Variants in PSMD14 observed in about 807,000 individuals in gnomAD.
PSMD14 encodes ubiquitin C-terminal hydrolase PSMD14.
In PSMD14, 7 loss-of-function variants were observed where a neutral mutation model predicts 41.2. The ratio of observed to expected loss-of-function variants is 0.17; its 90% CI spans 0.10 to 0.32. The LOEUF is 0.32. Among genes scored for constraint, PSMD14 ranks in the 10% least tolerant of loss-of-function variants. PSMD14 has a pLI of 1.00. For synonymous variants in PSMD14, 114 were observed against 122.3 expected (o/e 0.93, Z 0.45); for missense variants, 139 against 375.6 (o/e 0.37, Z 5.21).
intron 9 of PSMD14, 90 bp from the exon 10 acceptor site, chr2:161,394,988 G>GTT (rs112832377): frequency 1.5e-3 from 1,256 of 842,928 alleles, no homozygotes; most frequent in South Asian, 2.5e-3. Context: ...AAGTCGAAAT[G>GTT]TTTTTTTTTT....
chr2:161,349,782 G>C (rs1683094261), intron 3 of PSMD14, among the ~76,000 whole-genome samples: 1 of 152,196 alleles, frequency 6.6e-6, no homozygotes, highest in South Asian at 2.1e-4. Context: ...GACGAGCAGG[G>C]TGGGGTTGGA....
chr2:161,336,421 G>A lies in PSMD14; in HGVS notation c.48+17548G>A, dbSNP rs542744535. On this transcript the variant is annotated intron_variant, in intron 3 of 11. Transcript: ENST00000409682. The stretch of plus-strand genomic sequence containing the variant: ...ACGAGCAGCTGTAGGTTCTAAAACC[G>A]GATGAATTATGGAAGCATATTATGA... Among the ~76,000 whole-genome samples the A allele has an allele frequency of 1.7e-4, 26 of 152,146 alleles. No homozygotes were observed. The East Asian group carries it at 2.9e-3, about 17-fold the overall frequency.
chr2:161,411,258 G>T, intron 11 of PSMD14, 44 bp from the exon 12 acceptor site: 1 of 1,359,538 alleles, frequency 7.4e-7, no homozygotes, highest in Non-Finnish European at 1.0e-6. Context: ...TTATCTACCA[G>T]TAATATGGTT....
chr2:161,341,209 C>A (rs894836778), intron 3 of PSMD14: 3 of 967,624 alleles, frequency 3.1e-6, no homozygotes, highest in Admixed American at 6.3e-5. Context: ...TCCGGGGGCG[C>A]GCGGGCAGGC....
intron 3 of PSMD14, among the ~76,000 whole-genome samples, chr2:161,327,770 C>T (rs547477218): frequency 1.3e-5 from 2 of 151,712 alleles, no homozygotes; most frequent in African/African-American, 4.8e-5. Context: ...AAGATGACCT[C>T]ATTTAACAAA....
intron 7 of PSMD14, 124 bp downstream of exon 7, chr2:161,371,446 TAAAAAAC>T: frequency 1.0e-6 from 1 of 968,594 alleles, no homozygotes; most frequent in African/African-American, 1.6e-5. Flanking sequence ...TCTGTTTACT[TAAAAAAC>T]AAAAAAACTG....
chr2:161,351,339 G>A (rs1559044738), intron 3 of PSMD14, among the ~76,000 whole-genome samples: 2 of 152,076 alleles, frequency 1.3e-5, no homozygotes, highest in Non-Finnish European at 2.9e-5. Flanking sequence ...GGCCCCTTTG[G>A]CCCTTTTATG....
At chr2:161,325,578 A>T (rs1482848494) in intron 3 of PSMD14, among the ~76,000 whole-genome samples, 1 of 152,248 alleles carries the variant, frequency 6.6e-6, no homozygotes, top group African/African-American at 2.4e-5. Flanking sequence ...ATATCACCAC[A>T]TGCCAATTCT....
At chr2:161,389,142 A>C (rs1311757630) in intron 8 of PSMD14, among the ~76,000 whole-genome samples, 1 of 152,176 alleles carries the variant, frequency 6.6e-6, no homozygotes, top group Non-Finnish European at 1.5e-5. Context: ...ATATTTCATT[A>C]GTACAGTTAG....
chr2:161,369,212 G>T (rs568358196), intron 5 of PSMD14, among the ~76,000 whole-genome samples: 8 of 151,870 alleles, frequency 5.3e-5, no homozygotes, highest in Admixed American at 2.6e-4. Flanking sequence ...ATGCTTGTTT[G>T]ACAATATAAA....
At chr2:161,397,601 C>T (rs543625944) in intron 10 of PSMD14, among the ~76,000 whole-genome samples, 6 of 152,198 alleles carry the variant, frequency 3.9e-5, no homozygotes, top group African/African-American at 7.2e-5. Flanking sequence ...TACACCAAAA[C>T]GTAGTATTTC....
chr2:161,311,821 G>A (rs1351272219), intron 1 of PSMD14, among the ~76,000 whole-genome samples: 1 of 151,676 alleles, frequency 6.6e-6, no homozygotes, highest in Non-Finnish European at 1.5e-5. Flanking sequence ...CGCCATGTTG[G>A]CCAGGCTGGT....
intron 11 of PSMD14, among the ~76,000 whole-genome samples, chr2:161,410,407 T>C (rs1260223614): frequency 6.6e-6 from 1 of 152,048 alleles, no homozygotes; most frequent in African/African-American, 2.4e-5. Flanking sequence ...GAGTCTTGGG[T>C]ATTTTAACAA....
At chr2:161,366,856 AAGGT>A (rs1427207326) in intron 3 of PSMD14, among the ~76,000 whole-genome samples, 2 of 152,176 alleles carry the variant, frequency 1.3e-5, no homozygotes, top group Admixed American at 6.6e-5. Context: ...ACTTGTTTTA[AAGGT>A]AGTGGTTAGG....
chr2:161,313,642 G>A (rs1220483103), intron 1 of PSMD14, among the ~76,000 whole-genome samples: 3 of 152,162 alleles, frequency 2.0e-5, no homozygotes, highest in Non-Finnish European at 4.4e-5. Flanking sequence ...GAGCCACCAC[G>A]CCCAGCCTAA....
chr2:161,335,290 A>G (rs932466867), intron 3 of PSMD14, among the ~76,000 whole-genome samples: 2 of 152,138 alleles, frequency 1.3e-5, no homozygotes, highest in African/African-American at 4.8e-5. Flanking sequence ...CTATGTTAGT[A>G]TTGTCCAGTG....
chr2:161,353,848 T>A (rs1053576139), intron 3 of PSMD14, among the ~76,000 whole-genome samples: 19 of 152,226 alleles, frequency 1.2e-4, no homozygotes, highest in African/African-American at 4.6e-4. Context: ...ATTATTTGTA[T>A]GTCTCTCTGT....
At chr2:161,333,194 C>T (rs1682820619) in intron 3 of PSMD14, among the ~76,000 whole-genome samples, 1 of 152,124 alleles carries the variant, frequency 6.6e-6, no homozygotes, top group Non-Finnish European at 1.5e-5. Flanking sequence ...CTTACTGTTC[C>T]ATATCTTCAT....
At chr2:161,369,874 A>G (rs1683409603) in intron 5 of PSMD14, among the ~76,000 whole-genome samples, 11 of 152,048 alleles carry the variant, frequency 7.2e-5, no homozygotes, top group Admixed American at 5.9e-4. Flanking sequence ...CAATGGCCAT[A>G]TACTCTTAAA....
Sources: gnomAD v4.1 joint callset for allele counts (sites outside exome capture counted in the v4.1 genomes callset) on GRCh38, gnomAD v4.1.1 for gene constraint, MANE v1.5 for transcripts, NCBI Gene and HGNC (gene_info 2026-07-23, HGNC 2026-07-21) for gene names.